GALNT17: variants seen among roughly 807,000 people sequenced by gnomAD.
GALNT17 encodes the protein polypeptide N-acetylgalactosaminyltransferase 17, also known as UDP-GalNAc:polypeptide N-acetylgalactosaminyltransferase-like 3.
In GALNT17, 29 loss-of-function variants were observed where a neutral mutation model predicts 63.7. The ratio of observed to expected loss-of-function variants is 0.46; its 90% CI spans 0.34 to 0.62. The LOEUF (loss-of-function observed/expected upper bound fraction) is 0.62, where lower values mean the gene tolerates loss of function less well. Ranked by LOEUF, GALNT17 falls within the 20% of genes least tolerant of loss-of-function variation. The pLI, the probability that GALNT17 is intolerant of heterozygous loss-of-function variation, is 0.01. For synonymous variants in GALNT17, 305 were observed against 318.3 expected, an observed-to-expected ratio of 0.96 and a Z score of 0.45; for missense variants, 603 against 799.6, an observed-to-expected ratio of 0.75 and a Z score of 2.97.
intron 2 of GALNT17, among the ~76,000 whole-genome samples, chr7:71,341,141 G>A (rs182589203): frequency 4.6e-5 from 7 of 152,272 alleles, no homozygotes; most frequent in Non-Finnish European, 8.8e-5. Flanking sequence ...CTTGAACCTA[G>A]GAGTTAGAGT....
rs73354137 is a variant in GALNT17, at chr7:71,677,100, G to C, written c.1405-111G>C. The C allele has an allele frequency of 7.9e-5, 82 of 1,038,900 alleles. No individual in the cohort carries two copies. The East Asian group carries it at 1.3e-3, about 17-fold the overall frequency. 64.4% of individuals were successfully genotyped at this position (1,038,900 alleles called of 1,614,324 possible). A position where few individuals can be genotyped will look rare whatever the true frequency, so the allele number is the denominator to read the frequency against. ...AGCCCTGGTCCTCACTTAGAGGCTC[G>C]TGTTGTCTTCCCATCATGAAGTTGG... On this transcript the variant is annotated intron_variant, in intron 8 of 10. Coordinates refer to ENST00000333538, the MANE Select transcript of GALNT17 (RefSeq NM_022479.3).
At chr7:71,701,221 T>G (rs1219669831) in intron 9 of GALNT17, among the ~76,000 whole-genome samples, 1 of 152,190 alleles carries the variant, frequency 6.6e-6, no homozygotes, top group East Asian at 1.9e-4. Flanking sequence ...TCACGATGGC[T>G]CACGCCTGTA....
intron 9 of GALNT17, among the ~76,000 whole-genome samples, chr7:71,677,767 G>A (rs141298565): frequency 0.019 from 2,858 of 151,938 alleles, 90 homozygotes; most frequent in African/African-American, 0.064. Flanking sequence ...CGCCCGCCTC[G>A]GCCTCCCAAA....
chr7:71,532,257 A>G (rs776600457), intron 5 of GALNT17, among the ~76,000 whole-genome samples: 7 of 152,156 alleles, frequency 4.6e-5, no homozygotes, highest in African/African-American at 7.2e-5. Flanking sequence ...CGCATAGCTC[A>G]ATCTAATCAG....
intron 9 of GALNT17, among the ~76,000 whole-genome samples, chr7:71,706,621 A>G (rs1188647985): frequency 2.0e-5 from 3 of 152,040 alleles, no homozygotes; most frequent in African/African-American, 7.2e-5. Flanking sequence ...AGGGCTTCTG[A>G]TTTTCTTACC....
At chr7:71,679,326 A>T (rs1251878463) in intron 9 of GALNT17, among the ~76,000 whole-genome samples, 2 of 152,232 alleles carry the variant, frequency 1.3e-5, no homozygotes, top group African/African-American at 2.4e-5. Context: ...TGAACCCAGG[A>T]CTTCAAGGCT....
At chr7:71,625,652 G>A (rs1375251804) in intron 6 of GALNT17, among the ~76,000 whole-genome samples, 1 of 152,144 alleles carries the variant, frequency 6.6e-6, no homozygotes, top group Non-Finnish European at 1.5e-5. Flanking sequence ...TGAGCTGTGT[G>A]ATTGCAAGCA....
intron 5 of GALNT17, among the ~76,000 whole-genome samples, chr7:71,433,288 T>TA (rs1292678504): frequency 2.0e-5 from 3 of 151,894 alleles, no homozygotes; most frequent in African/African-American, 4.8e-5. Context: ...TAAAGATGAA[T>TA]AAAAAACCAA....
intron 1 of GALNT17, among the ~76,000 whole-genome samples, chr7:71,257,169 A>G (rs769991646): frequency 2.6e-5 from 4 of 152,142 alleles, no homozygotes; most frequent in East Asian, 1.9e-4. Flanking sequence ...AACAACTTCA[A>G]TCTGTTCTTT....
At chr7:71,580,396 G>GATA (rs534685406) in intron 6 of GALNT17, among the ~76,000 whole-genome samples, 2,113 of 93,584 alleles carry the variant, frequency 0.023, 28 homozygotes, top group East Asian at 0.05. Context: ...ATTGATAGAT[G>GATA]GATGATAGAT....
intron 6 of GALNT17, among the ~76,000 whole-genome samples, chr7:71,657,981 C>T (rs981399359): frequency 3.3e-5 from 5 of 152,064 alleles, no homozygotes; most frequent in Non-Finnish European, 7.4e-5. Flanking sequence ...CATAGCTCAC[C>T]GCAGCCTTGA....
intron 1 of GALNT17, among the ~76,000 whole-genome samples, chr7:71,146,420 T>G (rs1018219246): frequency 5.9e-5 from 9 of 152,088 alleles, no homozygotes; most frequent in African/African-American, 1.9e-4. Flanking sequence ...GAATCCAGAA[T>G]TACAGGGAAG....
rs185172980 is a variant in GALNT17 at position 71,168,617 on chromosome 7, G to A, written c.238+35577G>A. ...TATTTAAGGTGTACCGTAACATGAC[G>A]TTTTTATATACTCATATATAGTGAA... On this transcript the variant is annotated intron_variant, in intron 1 of 10. Coordinates refer to ENST00000333538, the MANE Select transcript of GALNT17 (RefSeq NM_022479.3). Among the ~76,000 whole-genome samples the A allele has an allele frequency of 1.5e-4, 22 of 151,610 alleles. No homozygotes were observed. In the South Asian group the frequency reaches 3.3e-3, roughly 23 times the overall value.
intron 1 of GALNT17, chr7:71,284,086 A>G (rs891831335): frequency 6.6e-6 from 1 of 152,090 alleles, no homozygotes; most frequent in African/African-American, 2.4e-5. Context: ...GGTGCTGTGG[A>G]AGCTTTGTTT....
chr7:71,454,527 C>T (rs1787320645), intron 5 of GALNT17, among the ~76,000 whole-genome samples: 2 of 152,134 alleles, frequency 1.3e-5, no homozygotes, highest in African/African-American at 4.8e-5. Context: ...TTGCAGCCTT[C>T]CCAGGCCATT....
chr7:71,620,761 A>G (rs956272384), intron 6 of GALNT17, among the ~76,000 whole-genome samples: 4 of 152,352 alleles, frequency 2.6e-5, no homozygotes, highest in African/African-American at 7.2e-5. Flanking sequence ...CAGAAAAGGA[A>G]TAATTGTCAG....
chr7:71,429,119 A>C (rs796708814), intron 5 of GALNT17, among the ~76,000 whole-genome samples: 3 of 152,136 alleles, frequency 2.0e-5, no homozygotes, highest in African/African-American at 7.2e-5. Context: ...TACAGCATCT[A>C]TTGTCAGAAT....
At chr7:71,640,226 A>C (rs1245379744) in intron 6 of GALNT17, among the ~76,000 whole-genome samples, 6 of 152,230 alleles carry the variant, frequency 3.9e-5, no homozygotes, top group Non-Finnish European at 7.3e-5. Flanking sequence ...TCTTATTGCT[A>C]ATGAAAATCA....
chr7:71,618,761 G>A (rs1790252574), intron 6 of GALNT17, among the ~76,000 whole-genome samples: 1 of 152,138 alleles, frequency 6.6e-6, no homozygotes, highest in African/African-American at 2.4e-5. Context: ...TCTATAGGTT[G>A]TCTGTTTGCT....
Sources: allele counts gnomAD v4.1 joint callset (sites outside exome capture counted in the v4.1 genomes callset), GRCh38; gene constraint gnomAD v4.1.1; transcripts MANE v1.5; gene names NCBI Gene and HGNC (gene_info 2026-07-23, HGNC 2026-07-21).